The following CAB39 variants were observed in gnomAD, a reference collection of about 807,000 sequenced individuals.
CAB39 encodes calcium-binding protein 39.
CAB39 carries 8 observed loss-of-function variants against 40.0 expected under a neutral mutation model. The ratio of observed to expected loss-of-function variants is 0.20; its 90% CI spans 0.12 to 0.36. The LOEUF is 0.36. Ranked by LOEUF, CAB39 falls within the 10% of genes least tolerant of loss-of-function variation. The pLI is 1.00. For synonymous variants in CAB39, 156 were observed against 141.6 expected (o/e 1.10, Z -0.72); for missense variants, 270 against 401.1 (o/e 0.67, Z 2.79).
At chr2:230,792,163 C>T (rs1314231598) in intron 3 of CAB39, among the ~76,000 whole-genome samples, 4 of 152,202 alleles carry the variant, frequency 2.6e-5, no homozygotes, top group African/African-American at 9.6e-5. Context: ...GTTTTCATTT[C>T]ATAGCTGATT....
chr2:230,731,083 T>G (rs752876467), intron 1 of CAB39, among the ~76,000 whole-genome samples: 1 of 152,230 alleles, frequency 6.6e-6, no homozygotes, highest in Non-Finnish European at 1.5e-5. Flanking sequence ...TTTAAACTGG[T>G]GTCTGATAAG....
At chr2:230,810,169 A>G (rs1045148376) in intron 5 of CAB39, 94 bp from the exon 6 acceptor site, 1 of 615,718 alleles carries the variant, frequency 1.6e-6, no homozygotes, top group African/African-American at 1.9e-5. Flanking sequence ...ATTTTTAACA[A>G]CAGTTTTTAT....
intron 5 of CAB39, among the ~76,000 whole-genome samples, chr2:230,807,262 C>T (rs1696212917): frequency 6.6e-6 from 1 of 152,022 alleles, no homozygotes; most frequent in South Asian, 2.1e-4. Flanking sequence ...AAGTTTTTGG[C>T]TGCAGTCACT....
At chr2:230,755,272 C>G (rs1262187307) in intron 1 of CAB39, among the ~76,000 whole-genome samples, 1 of 152,152 alleles carries the variant, frequency 6.6e-6, no homozygotes, top group African/African-American at 2.4e-5. Flanking sequence ...TAGAAGTGTT[C>G]TCTGATTACC....
Position 230,798,711 on chromosome 2 carries a change from G to C in CAB39, c.399-18G>C, listed in dbSNP as rs760118942. The C allele has an allele frequency of 3.2e-6, 5 of 1,571,698 alleles. No homozygotes were observed. Among genetic ancestry groups the C allele is most frequent in the Non-Finnish European group, 4.3e-6 (5 of 1,155,038 alleles). On this transcript the variant is annotated intron_variant, in intron 4 of 8. Transcript: ENST00000258418. Reference sequence around the variant, plus strand: ...GCAATCATGTTTGGTTTGTTTGTTTGGTTTTTTGTTTTTGCAGGTATGAAT... The same window carrying C: ...GCAATCATGTTTGGTTTGTTTGTTTCGTTTTTTGTTTTTGCAGGTATGAAT...
At chr2:230,810,681 G>GCCT in intron 6 of CAB39, among the ~76,000 whole-genome samples, 1 of 152,306 alleles carries the variant, frequency 6.6e-6, no homozygotes, top group African/African-American at 2.4e-5. Flanking sequence ...AGAAAGGGAG[G>GCCT]CAGCAGCTGA....
intron 1 of CAB39, among the ~76,000 whole-genome samples, chr2:230,715,348 A>G (rs1694329517): frequency 6.6e-6 from 1 of 152,200 alleles, no homozygotes; most frequent in African/African-American, 2.4e-5. Context: ...TTTCTCTGTA[A>G]GACTTGGATC....
intron 2 of CAB39, among the ~76,000 whole-genome samples, chr2:230,767,031 A>G (rs1417292831): frequency 6.6e-6 from 1 of 152,254 alleles, no homozygotes; most frequent in East Asian, 1.9e-4. Flanking sequence ...TCAGAGGTAC[A>G]AGAATTACCT....
chr2:230,720,844 T>A (rs1694437229), intron 1 of CAB39, among the ~76,000 whole-genome samples: 1 of 152,224 alleles, frequency 6.6e-6, no homozygotes, highest in Non-Finnish European at 1.5e-5. Context: ...TTTTAGATTC[T>A]ATAGCAGGGA....
intron 4 of CAB39, among the ~76,000 whole-genome samples, chr2:230,795,003 A>G (rs769143785): frequency 1.3e-5 from 2 of 152,214 alleles, no homozygotes; most frequent in East Asian, 1.9e-4. Flanking sequence ...CAGGCTGGAC[A>G]TGGTGGCTCA....
At chr2:230,734,616 C>T (rs1457691147) in intron 1 of CAB39, among the ~76,000 whole-genome samples, 2 of 152,126 alleles carry the variant, frequency 1.3e-5, no homozygotes, top group Non-Finnish European at 1.5e-5. Context: ...TTTAGGTGTC[C>T]AAAATCAAAC....
chr2:230,750,057 C>T (rs1027214687), intron 1 of CAB39, among the ~76,000 whole-genome samples: 1 of 152,208 alleles, frequency 6.6e-6, no homozygotes, highest in African/African-American at 2.4e-5. Flanking sequence ...CTTGTAGGAA[C>T]GAACAAATGG....
intron 1 of CAB39, among the ~76,000 whole-genome samples, chr2:230,717,791 T>G (rs1694377598): frequency 6.6e-6 from 1 of 152,148 alleles, no homozygotes; most frequent in Non-Finnish European, 1.5e-5. Flanking sequence ...TTTTAACTTT[T>G]AAAACAGAAG....
chr2:230,731,149 A>G (rs1013032635), intron 1 of CAB39, among the ~76,000 whole-genome samples: 2 of 152,220 alleles, frequency 1.3e-5, no homozygotes, highest in Non-Finnish European at 2.9e-5. Flanking sequence ...AGGCTAAAAC[A>G]CTGGCCAAGT....
intron 7 of CAB39, among the ~76,000 whole-genome samples, chr2:230,815,123 T>C (rs1696377870): frequency 6.6e-6 from 1 of 152,368 alleles, no homozygotes; most frequent in South Asian, 2.1e-4. Flanking sequence ...TGTCCTTTGA[T>C]AGGAACACTC....
chr2:230,783,161 A>G lies in CAB39; in HGVS notation c.115-7711A>G, dbSNP rs558426440. On this transcript the variant is annotated intron_variant, in intron 2 of 8. Transcript: ENST00000258418. ...CTTTCTTTAGTGGAGCACCAGATGCAGTAGTTGGCTTTCATTGGGCTCAGC... is the reference window on the plus strand; with the variant it reads ...CTTTCTTTAGTGGAGCACCAGATGCGGTAGTTGGCTTTCATTGGGCTCAGC... 5.9e-5 allele frequency among the ~76,000 whole-genome samples: 9 copies of G among 152,162 alleles called. No individual in the cohort carries two copies. The South Asian group carries it at 1.9e-3, about 32-fold the overall frequency.
At chr2:230,815,389 T>A (rs1333130141) in intron 7 of CAB39, among the ~76,000 whole-genome samples, 3 of 152,206 alleles carry the variant, frequency 2.0e-5, no homozygotes, top group African/African-American at 7.2e-5. Context: ...GAGTTTCTCC[T>A]CCCTGGACAT....
chr2:230,793,579 C>T (rs1259266286), intron 4 of CAB39, among the ~76,000 whole-genome samples: 1 of 152,060 alleles, frequency 6.6e-6, no homozygotes, highest in African/African-American at 2.4e-5. Context: ...TCCAGCATGA[C>T]TGAAGGAAAA....
At chr2:230,817,658 ACT>A in intron 7 of CAB39, 94 bp from the exon 8 acceptor site, 1 of 966,842 alleles carries the variant, frequency 1.0e-6, no homozygotes, top group Non-Finnish European at 1.5e-6. Flanking sequence ...GCCTACTAAT[ACT>A]CTATACTTGA....
Sources: gnomAD v4.1 joint callset for allele counts (sites outside exome capture counted in the v4.1 genomes callset) on GRCh38, gnomAD v4.1.1 for gene constraint, MANE v1.5 for transcripts, NCBI Gene and HGNC (gene_info 2026-07-23, HGNC 2026-07-21) for gene names.